Variants in LRRC4C observed in about 807,000 individuals in gnomAD.
The protein encoded by LRRC4C is leucine-rich repeat-containing protein 4C.
LRRC4C carries 5 observed loss-of-function variants against 33.6 expected under a neutral mutation model. The ratio of observed to expected loss-of-function variants is 0.15; its 90% CI spans 0.08 to 0.31. The LOEUF (loss-of-function observed/expected upper bound fraction) is 0.31, where lower values mean the gene tolerates loss of function less well. Among genes scored for constraint, LRRC4C ranks in the 10% least tolerant of loss-of-function variants. The pLI, the probability that LRRC4C is intolerant of heterozygous loss-of-function variation, is 1.00. For missense variants in LRRC4C, 560 were observed against 796.7 expected (o/e 0.70, Z 3.58); for synonymous variants, 329 against 302.0 (o/e 1.09, Z -0.93).
rs549127266 is a variant in LRRC4C, at chr11:40,713,554, T to C, written c.-406-65276A>G. 2.7e-4 allele frequency among the ~76,000 whole-genome samples: 41 copies of C among 152,320 alleles called. 1 individual carries two copies. The South Asian group carries it at 8.3e-3, about 31-fold the overall frequency. On this transcript the variant is annotated intron_variant, in intron 2 of 6. Transcript: ENST00000528697. ...CTTAATTGTTTCTTCAACTTCAAAA[T>C]GAAATTATGAATATTTACTTAAAAG...
At chr11:40,242,998 T>C (rs1303125555) in intron 4 of LRRC4C, among the ~76,000 whole-genome samples, 1 of 152,210 alleles carries the variant, frequency 6.6e-6, no homozygotes, top group Non-Finnish European at 1.5e-5. Flanking sequence ...ATGGTATGCA[T>C]GACAAATAAA....
At position 41,349,614 on chromosome 11, in the gene LRRC4C, C is replaced by A. The variant is rs75899700; in HGVS notation, c.-496+109817G>T. Among the ~76,000 whole-genome samples the A allele has an allele frequency of 0.01, 1,549 of 152,170 alleles. 71 individuals carry two copies. The East Asian group carries it at 0.13, about 13-fold the overall frequency. On this transcript the variant is annotated intron_variant, in intron 1 of 6. Transcript: ENST00000528697. Reference sequence around the variant, plus strand: ...GCTAATTGACTAAACTCAACTTATACCACAGTCAAACCATCAAGACCATCA... The same window carrying A: ...GCTAATTGACTAAACTCAACTTATAACACAGTCAAACCATCAAGACCATCA...
At chr11:40,281,894 C>CT (rs796451579) in intron 4 of LRRC4C, among the ~76,000 whole-genome samples, 1 of 152,162 alleles carries the variant, frequency 6.6e-6, no homozygotes, top group African/African-American at 2.4e-5. Flanking sequence ...CACACTCCTA[C>CT]TTTAGCAACA....
intron 2 of LRRC4C, among the ~76,000 whole-genome samples, chr11:40,831,005 C>T (rs1952388301): frequency 6.6e-6 from 1 of 152,022 alleles, no homozygotes; most frequent in Admixed American, 6.6e-5. Flanking sequence ...ACTTTTTTCA[C>T]TTTGTTAGTA....
intron 3 of LRRC4C, among the ~76,000 whole-genome samples, chr11:40,619,864 G>A (rs1325575727): frequency 6.6e-6 from 1 of 151,282 alleles, no homozygotes. Context: ...ACTGGAGAAT[G>A]CACAGAGACT....
intron 3 of LRRC4C, among the ~76,000 whole-genome samples, chr11:40,639,535 A>G (rs1045351400): frequency 2.0e-5 from 3 of 152,220 alleles, no homozygotes; most frequent in Non-Finnish European, 2.9e-5. Context: ...ATAAACACCC[A>G]TTCGCTCGAC....
At chr11:41,336,503 G>A (rs565505404) in intron 1 of LRRC4C, among the ~76,000 whole-genome samples, 76 of 152,160 alleles carry the variant, frequency 5.0e-4, no homozygotes, top group African/African-American at 1.8e-3. Flanking sequence ...GTAGAAAGAA[G>A]CAAACTAGTT....
chr11:40,737,926 A>C (rs567457168), intron 2 of LRRC4C, among the ~76,000 whole-genome samples: 1 of 152,276 alleles, frequency 6.6e-6, no homozygotes, highest in South Asian at 2.1e-4. Flanking sequence ...AATCCTAAGC[A>C]AAAACAACAA....
chr11:40,943,513 T>C (rs1388908813), intron 1 of LRRC4C, among the ~76,000 whole-genome samples: 2 of 152,236 alleles, frequency 1.3e-5, no homozygotes. Context: ...TAGTATACTT[T>C]AAAGCAGAGT....
intron 4 of LRRC4C, among the ~76,000 whole-genome samples, chr11:40,276,279 T>A (rs901606105): frequency 6.6e-6 from 1 of 152,092 alleles, no homozygotes; most frequent in African/African-American, 2.4e-5. Context: ...GGACACATTC[T>A]AGAGACAATA....
At chr11:41,276,833 A>G (rs1286654360) in intron 1 of LRRC4C, among the ~76,000 whole-genome samples, 1 of 152,194 alleles carries the variant, frequency 6.6e-6, no homozygotes, top group Non-Finnish European at 1.5e-5. Flanking sequence ...TAAGAAACGC[A>G]GGCAGCCACT....
chr11:40,730,590 G>T (rs1947516378), intron 2 of LRRC4C, among the ~76,000 whole-genome samples: 1 of 152,122 alleles, frequency 6.6e-6, no homozygotes, highest in Non-Finnish European at 1.5e-5. Context: ...AATAGTGCAA[G>T]AACCCAGTTA....
chr11:40,574,709 G>A (rs1958115484), intron 3 of LRRC4C, among the ~76,000 whole-genome samples: 1 of 152,058 alleles, frequency 6.6e-6, no homozygotes, highest in Admixed American at 6.6e-5. Flanking sequence ...TCCAATTGCT[G>A]GCTGCACTCT....
At chr11:40,348,183 A>C (rs1338305547) in intron 3 of LRRC4C, among the ~76,000 whole-genome samples, 1 of 147,222 alleles carries the variant, frequency 6.8e-6, no homozygotes, top group African/African-American at 2.5e-5. Context: ...AATTATGAAA[A>C]TGTGACACAG....
At chr11:41,235,586 A>T (rs1345736608) in intron 1 of LRRC4C, among the ~76,000 whole-genome samples, 1 of 152,090 alleles carries the variant, frequency 6.6e-6, no homozygotes, top group Non-Finnish European at 1.5e-5. Context: ...ATTAAAAAGC[A>T]CTCATCTATG....
Position 40,753,998 on chromosome 11 carries a change from G to GTA in LRRC4C, c.-406-105722_-406-105721dup, listed in dbSNP as rs201830749. Reference sequence around the variant, plus strand: ...TATATTCACTGTATATATATTCACTGTATATATATATATACACACACACAT... The same window carrying GTA: ...TATATTCACTGTATATATATTCACTGTATATATATATATATACACACACACAT... On this transcript the variant is annotated intron_variant, in intron 2 of 6. Coordinates refer to ENST00000528697, the MANE Select transcript of LRRC4C (RefSeq NM_001258419.2). Among the ~76,000 whole-genome samples, 197 of 149,798 alleles carry GTA rather than the reference G, an allele frequency of 1.3e-3. 1 individual carries two copies. Among genetic ancestry groups the GTA allele is most frequent in the Middle Eastern group, 3.5e-3 (1 of 288 alleles).
chr11:40,775,214 TC>T (rs1949937381), intron 2 of LRRC4C, among the ~76,000 whole-genome samples: 1 of 151,870 alleles, frequency 6.6e-6, no homozygotes, highest in South Asian at 2.1e-4. Context: ...ATCGAGACCA[TC>T]CTGGCTAACA....
chr11:41,137,198 T>C lies in LRRC4C; in HGVS notation c.-495-203475A>G, dbSNP rs192710719. Among the ~76,000 whole-genome samples, 363 of 151,876 alleles carry C rather than the reference T, an allele frequency of 2.4e-3. 1 individual carries two copies. Among genetic ancestry groups the C allele is most frequent in the African/African-American group, 8.3e-3 (345 of 41,404 alleles). ...AGGAGGTCGCAGTGAGCTGAGATCA[T>C]GCCACTGCACTCCAGCCTGGGTGAC... On this transcript the variant is annotated intron_variant, in intron 1 of 6. Transcript: ENST00000528697.
At chr11:40,442,184 A>AC (rs2137976503) in intron 3 of LRRC4C, among the ~76,000 whole-genome samples, 1 of 151,240 alleles carries the variant, frequency 6.6e-6, no homozygotes, top group South Asian at 2.1e-4. Context: ...AAAAAAAAAA[A>AC]AAAAGATCAA....
Sources: gnomAD v4.1 joint callset for allele counts (sites outside exome capture counted in the v4.1 genomes callset) on GRCh38, gnomAD v4.1.1 for gene constraint, MANE v1.5 for transcripts, NCBI Gene and HGNC (gene_info 2026-07-23, HGNC 2026-07-21) for gene names.